Variants in BCAS1 observed in about 807,000 individuals in gnomAD.
BCAS1 encodes breast carcinoma-amplified sequence 1.
A neutral mutation model predicts 65.4 loss-of-function variants in BCAS1; 46 were observed. The observed-to-expected ratio is 0.70, with a 90% confidence interval of 0.55 to 0.90. BCAS1 has a LOEUF of 0.90. BCAS1 is among the 40% of genes least tolerant of loss of function. The pLI is 0.00. For missense variants in BCAS1, 793 were observed against 771.2 expected, an observed-to-expected ratio of 1.03 and a Z score of -0.33; for synonymous variants, 298 against 293.5, an observed-to-expected ratio of 1.02 and a Z score of -0.16.
intron 10 of BCAS1, among the ~76,000 whole-genome samples, chr20:53,959,565 T>A (rs767119448): frequency 1.6e-4 from 25 of 152,318 alleles, no homozygotes; most frequent in Admixed American, 5.2e-4. Context: ...AGCTATTTTT[T>A]AAAAAATTTT....
chr20:53,949,193 T>C (rs2089433088), intron 12 of BCAS1, among the ~76,000 whole-genome samples: 1 of 126,486 alleles, frequency 7.9e-6, no homozygotes, highest in African/African-American at 2.7e-5. Context: ...TGTGCGTATA[T>C]GCATATATCC....
chr20:54,050,742 C>G (rs2092197379), intron 3 of BCAS1, among the ~76,000 whole-genome samples: 1 of 152,168 alleles, frequency 6.6e-6, no homozygotes, highest in Non-Finnish European at 1.5e-5. Flanking sequence ...CCCTCCCCAA[C>G]ACCTCAGCTC....
chr20:54,028,948 G>GT lies in BCAS1; in HGVS notation c.166dup (p.Thr56AsnfsTer3). The GT allele has an allele frequency of 6.2e-7, 1 of 1,610,816 alleles. No homozygotes were observed. Among genetic ancestry groups the GT allele is most frequent in the Non-Finnish European group, 8.5e-7 (1 of 1,178,680 alleles). On this transcript the variant is annotated frameshift_variant, in exon 4 of 13. Coordinates refer to ENST00000688948, the MANE Select transcript of BCAS1 (RefSeq NM_001366298.2). LOFTEE classifies it high-confidence loss of function. ...GGGGGAAGAAGTGGCCACATTATCC[G>GT]TCTTGACACTTATTCCCAAGTCGAC...
intron 8 of BCAS1, among the ~76,000 whole-genome samples, chr20:53,979,474 C>T (rs866891701): frequency 4.6e-5 from 7 of 152,160 alleles, no homozygotes; most frequent in East Asian, 1.9e-4. Flanking sequence ...GCAGCTGCAG[C>T]GGGATTCTCC....
At chr20:53,974,963 C>T (rs2090287236) in intron 9 of BCAS1, among the ~76,000 whole-genome samples, 1 of 152,194 alleles carries the variant, frequency 6.6e-6, no homozygotes, top group Non-Finnish European at 1.5e-5. Flanking sequence ...AAGATGTTCT[C>T]ATGCCTGATG....
chr20:53,990,604 T>A (rs2090731577), intron 7 of BCAS1, among the ~76,000 whole-genome samples: 1 of 151,952 alleles, frequency 6.6e-6, no homozygotes, highest in Non-Finnish European at 1.5e-5. Flanking sequence ...AAATGGAGAG[T>A]ATCACACCTC....
Position 54,057,998 on chromosome 20 carries a change from A to ATT in BCAS1, c.142+85_142+86dup, listed in dbSNP as rs796265852. ...CTGAGCCTGCGGCTTCGACCCTTTCATTTTTTTTTTTTTTTCACCGTAAAC... is the reference window on the plus strand; with the variant it reads ...CTGAGCCTGCGGCTTCGACCCTTTCATTTTTTTTTTTTTTTTTCACCGTAAAC... On this transcript the variant is annotated intron_variant, in intron 3 of 12. Coordinates refer to ENST00000688948, the MANE Select transcript of BCAS1 (RefSeq NM_001366298.2). 5,394 of 821,080 alleles carry ATT rather than the reference A, an allele frequency of 6.6e-3. 1 individual carries two copies. Among genetic ancestry groups the ATT allele is most frequent in the South Asian group, 0.011 (655 of 58,946 alleles). The allele number at this position is 821,080 out of a possible 1,614,324, so 50.9% of individuals were successfully genotyped here.
intron 9 of BCAS1, among the ~76,000 whole-genome samples, chr20:53,972,825 G>A (rs865840642): frequency 4.6e-5 from 7 of 152,210 alleles, no homozygotes; most frequent in Middle Eastern, 3.4e-3. Flanking sequence ...TATTATTATC[G>A]CCATTTAACA....
chr20:54,029,452 GC>G (rs2091753818), intron 3 of BCAS1, among the ~76,000 whole-genome samples: 1 of 152,134 alleles, frequency 6.6e-6, no homozygotes, highest in African/African-American at 2.4e-5. Flanking sequence ...CCTGGCCTCT[GC>G]CCACTAGACG....
At chr20:54,058,597 T>G (rs1186934259) in intron 2 of BCAS1, 50 bp downstream of exon 2, 1 of 1,353,558 alleles carries the variant, frequency 7.4e-7, no homozygotes, top group Non-Finnish European at 9.6e-7. Context: ...GAAGTTCTTT[T>G]TTTTTTTTTT....
chr20:53,995,078 A>T (rs1361274286), intron 5 of BCAS1, 22 bp from the exon 6 acceptor site: 2 of 1,599,918 alleles, frequency 1.3e-6, no homozygotes, highest in South Asian at 2.2e-5. Context: ...GAGAAAGCCA[A>T]ATATTAGAAA....
At chr20:54,017,315 G>C (rs2146002971) in intron 4 of BCAS1, among the ~76,000 whole-genome samples, 1 of 151,762 alleles carries the variant, frequency 6.6e-6, no homozygotes, top group East Asian at 1.9e-4. Flanking sequence ...TTGGCAGCAG[G>C]CTTTGCTTTG....
At chr20:54,057,163 A>G (rs972030574) in intron 3 of BCAS1, among the ~76,000 whole-genome samples, 20 of 152,202 alleles carry the variant, frequency 1.3e-4, no homozygotes, top group African/African-American at 4.8e-4. Flanking sequence ...TCAAATAGGT[A>G]AGTATATGCC....
chr20:53,990,579 G>A (rs542588631), intron 7 of BCAS1, among the ~76,000 whole-genome samples: 44 of 152,000 alleles, frequency 2.9e-4, no homozygotes, highest in Non-Finnish European at 5.6e-4. Context: ...TTTTCCAGGT[G>A]ACAAACCCAT....
At chr20:53,964,636 T>A (rs2145609823) in intron 10 of BCAS1, among the ~76,000 whole-genome samples, 1 of 152,340 alleles carries the variant, frequency 6.6e-6, no homozygotes, top group Non-Finnish European at 1.5e-5. Context: ...CGCTTTTCTT[T>A]TCAATTTGTT....
At chr20:54,022,440 T>C (rs748089792) in intron 4 of BCAS1, among the ~76,000 whole-genome samples, 19 of 152,200 alleles carry the variant, frequency 1.2e-4, no homozygotes, top group African/African-American at 4.6e-4. Flanking sequence ...TTAGAAAATA[T>C]ACAGTTTTAT....
intron 7 of BCAS1, among the ~76,000 whole-genome samples, chr20:53,992,002 C>T (rs1480923047): frequency 6.6e-6 from 1 of 152,096 alleles, no homozygotes; most frequent in African/African-American, 2.4e-5. Context: ...AATTAATCAC[C>T]TTTTAATAAA....
chr20:54,024,879 C>T (rs908442810), intron 4 of BCAS1, among the ~76,000 whole-genome samples: 2 of 152,020 alleles, frequency 1.3e-5, no homozygotes, highest in South Asian at 2.1e-4. Context: ...GGAGTGTGTT[C>T]AAGAGAGAAA....
intron 3 of BCAS1, among the ~76,000 whole-genome samples, chr20:54,044,119 G>C (rs966567734): frequency 1.6e-4 from 24 of 152,176 alleles, no homozygotes; most frequent in African/African-American, 5.3e-4. Flanking sequence ...GTCCACTCTA[G>C]GATTAGAATT....
Sources: allele counts gnomAD v4.1 joint callset (sites outside exome capture counted in the v4.1 genomes callset), GRCh38; gene constraint gnomAD v4.1.1; transcripts MANE v1.5; gene names NCBI Gene and HGNC (gene_info 2026-07-23, HGNC 2026-07-21).